MALRD1: variants seen among roughly 807,000 people sequenced by gnomAD.
MALRD1 encodes the protein MAM and LDL-receptor class A domain-containing protein 1.
A neutral mutation model predicts 242.1 loss-of-function variants in MALRD1; 247 were observed. That is an observed-to-expected ratio of 1.02 (90% CI 0.92 to 1.13). The LOEUF (loss-of-function observed/expected upper bound fraction) is 1.13, where lower values mean the gene tolerates loss of function less well. Among genes scored for constraint, MALRD1 ranks in the 50% most tolerant of loss-of-function variants. MALRD1 has a pLI of 0.00. For missense variants in MALRD1, 2,989 were observed against 2,533.1 expected (o/e 1.18, Z -3.86); for synonymous variants, 995 against 866.6 (o/e 1.15, Z -2.60).
At chr10:19,561,160 A>C (rs1433430625) in intron 32 of MALRD1, among the ~76,000 whole-genome samples, 1 of 152,136 alleles carries the variant, frequency 6.6e-6, no homozygotes. Flanking sequence ...ATTGACTTCT[A>C]GTTTAATTCC....
chr10:19,425,617 G>T (rs1299903269), intron 28 of MALRD1, among the ~76,000 whole-genome samples: 1 of 152,172 alleles, frequency 6.6e-6, no homozygotes. Context: ...AGAGCGAAGT[G>T]AGGGACAGTG....
chr10:19,060,081 C>T (rs1834778512), intron 1 of MALRD1, among the ~76,000 whole-genome samples: 2 of 152,274 alleles, frequency 1.3e-5, no homozygotes, highest in South Asian at 2.1e-4. Flanking sequence ...TTTTCTTCCC[C>T]ATCACAACTG....
At chr10:19,453,205 T>C (rs1307721299) in intron 29 of MALRD1, among the ~76,000 whole-genome samples, 2 of 152,182 alleles carry the variant, frequency 1.3e-5, no homozygotes, top group African/African-American at 4.8e-5. Flanking sequence ...GTTCTGCATG[T>C]GAAATAACTT....
chr10:19,533,429 G>A (rs1834516798), intron 32 of MALRD1, among the ~76,000 whole-genome samples: 1 of 152,118 alleles, frequency 6.6e-6, no homozygotes, highest in Non-Finnish European at 1.5e-5. Context: ...TTTTTCTGTA[G>A]CAACAGTCTT....
At chr10:19,311,483 A>G (rs1842421568) in intron 21 of MALRD1, among the ~76,000 whole-genome samples, 1 of 151,432 alleles carries the variant, frequency 6.6e-6, no homozygotes, top group Non-Finnish European at 1.5e-5. Flanking sequence ...TGATGAACTG[A>G]AAGTATTCTA....
At chr10:19,491,312 A>G in intron 29 of MALRD1, 1 of 724,342 alleles carries the variant, frequency 1.4e-6, no homozygotes, top group Non-Finnish European at 2.3e-6. Flanking sequence ...TGCATAAAAG[A>G]TATTTCAGAA....
intron 36 of MALRD1, among the ~76,000 whole-genome samples, chr10:19,619,663 A>G (rs1439394370): frequency 6.6e-6 from 1 of 152,126 alleles, no homozygotes; most frequent in East Asian, 1.9e-4. Context: ...TCTGAAAGAA[A>G]CATCTATTGT....
intron 18 of MALRD1, among the ~76,000 whole-genome samples, chr10:19,213,691 CTT>C (rs776050161): frequency 1.1e-4 from 17 of 152,144 alleles, no homozygotes; most frequent in Non-Finnish European, 2.2e-4. Context: ...GTTCTTCTGT[CTT>C]TTGTTGTTAC....
chr10:19,531,466 T>A, intron 32 of MALRD1, 115 bp downstream of exon 32: 1 of 996,968 alleles, frequency 1.0e-6, no homozygotes, highest in South Asian at 2.4e-5. Context: ...GCTGATGCCA[T>A]TAATTTCTCA....
intron 18 of MALRD1, among the ~76,000 whole-genome samples, chr10:19,252,779 C>T (rs1269524838): frequency 6.6e-6 from 1 of 151,942 alleles, no homozygotes; most frequent in African/African-American, 2.4e-5. Context: ...TCCAATTATT[C>T]TGCAGCTTTG....
chr10:19,695,979 C>G (rs1267714985), intron 38 of MALRD1, among the ~76,000 whole-genome samples: 3 of 152,164 alleles, frequency 2.0e-5, no homozygotes, highest in East Asian at 3.9e-4. Context: ...CCAAGTCACT[C>G]CAATGACACA....
At chr10:19,191,807 G>A (rs1477642590) in intron 14 of MALRD1, among the ~76,000 whole-genome samples, 8 of 152,092 alleles carry the variant, frequency 5.3e-5, no homozygotes, top group African/African-American at 1.7e-4. Context: ...AGACCAGCAT[G>A]GCCAACATGG....
Position 19,692,342 on chromosome 10 carries a change from C to G in MALRD1, c.6198C>G (p.Asp2066Glu). The part of the protein sequence containing the change: ...CHIKFNPPAT[D>E]FTYAQNNTWT... The stretch of plus-strand genomic sequence containing the variant: ...TCAAGTTTAATCCTCCTGCTACAGA[C>G]TTCACATACGCTCAGAATAGTAGGT... The change falls in exon 37 of 40, where the codon GAC becomes GAG. Residue 2066 changes from aspartate to glutamate, a missense_variant. By Grantham distance (45) the Asp-to-Glu change is conservative. Transcript: ENST00000454679. 1 of 1,535,468 alleles carries G rather than the reference C, an allele frequency of 6.5e-7. No individual in the cohort carries two copies.
chr10:19,502,029 AAG>A lies in MALRD1; in HGVS notation c.5320+3385_5320+3386del, dbSNP rs1445276196. Among the ~76,000 whole-genome samples, 8 of 95,938 alleles carry A rather than the reference AAG, an allele frequency of 8.3e-5. 2 individuals are homozygous for A. The highest frequency in any genetic ancestry group is 2.5e-4 in the African/African-American group (4 of 15,828). 62.9% of individuals were successfully genotyped at this position (95,938 alleles called of 152,430 possible). A position where few individuals can be genotyped will look rare whatever the true frequency, so the allele number is the denominator to read the frequency against. ...TTCTGTCTCAAAAAAAAAAAAAGAA[AAG>A]AAAAGAAAAGAAAAGAAAAGAAGAA... On this transcript the variant is annotated intron_variant, in intron 31 of 39. Coordinates refer to ENST00000454679, the MANE Select transcript of MALRD1 (RefSeq NM_001142308.3).
intron 33 of MALRD1, among the ~76,000 whole-genome samples, chr10:19,590,845 A>C (rs1837740859): frequency 6.6e-6 from 1 of 152,118 alleles, no homozygotes; most frequent in Admixed American, 6.6e-5. Context: ...ATTCTGCACC[A>C]GAGTGGAACA....
chr10:19,606,053 A>AT (rs1360271291), intron 34 of MALRD1, among the ~76,000 whole-genome samples: 3 of 151,910 alleles, frequency 2.0e-5, no homozygotes, highest in East Asian at 1.9e-4. Flanking sequence ...TAAAAACACT[A>AT]TTTTTTTTAC....
chr10:19,495,649 T>G (rs1383207554), intron 30 of MALRD1, among the ~76,000 whole-genome samples: 1 of 152,076 alleles, frequency 6.6e-6, no homozygotes, highest in East Asian at 1.9e-4. Flanking sequence ...CCAGTGACAC[T>G]GTAAGCAACC....
chr10:19,315,184 A>AAATATAATTTATAGAAATATG (rs1842609356), intron 21 of MALRD1, among the ~76,000 whole-genome samples: 1 of 117,548 alleles, frequency 8.5e-6, no homozygotes, highest in Admixed American at 9.1e-5. Context: ...ATATAAATAT[A>AAATATAATTTATAGAAATATG]TAAATATAAT....
chr10:19,557,090 C>A (rs1425219667), intron 32 of MALRD1, among the ~76,000 whole-genome samples: 2 of 152,004 alleles, frequency 1.3e-5, no homozygotes, highest in African/African-American at 4.8e-5. Flanking sequence ...TGAATAGATT[C>A]TTTAGGGAGG....
Sources: gnomAD v4.1 joint callset for allele counts (sites outside exome capture counted in the v4.1 genomes callset) on GRCh38, gnomAD v4.1.1 for gene constraint, MANE v1.5 for transcripts, NCBI Gene and HGNC (gene_info 2026-07-23, HGNC 2026-07-21) for gene names.